CTNNA3: variants seen among roughly 807,000 people sequenced by gnomAD.
CTNNA3 encodes catenin alpha 3, also known as catenin alpha-3.
A neutral mutation model predicts 95.7 loss-of-function variants in CTNNA3; 76 were observed. The observed-to-expected ratio is 0.79, with a 90% CI of 0.66 to 0.96. The LOEUF (loss-of-function observed/expected upper bound fraction) is 0.96, where lower values mean the gene tolerates loss of function less well. CTNNA3 is among the 40% of genes least tolerant of loss of function. CTNNA3 has a pLI of 0.00. For synonymous variants in CTNNA3, 431 were observed against 374.4 expected (o/e 1.15, Z -1.74); for missense variants, 1,191 against 1,089.8 (o/e 1.09, Z -1.31).
chr10:66,071,109 G>A (rs182795132), intron 14 of CTNNA3, among the ~76,000 whole-genome samples: 1 of 152,202 alleles, frequency 6.6e-6, no homozygotes, highest in East Asian at 1.9e-4. Context: ...AGACTTAAGA[G>A]AATACTTGAT....
intron 12 of CTNNA3, among the ~76,000 whole-genome samples, chr10:66,334,274 T>C (rs1361553088): frequency 3.9e-5 from 6 of 152,028 alleles, no homozygotes; most frequent in East Asian, 1.9e-4. Flanking sequence ...GTCATTGTGA[T>C]GTTAGCTGGT....
intron 5 of CTNNA3, among the ~76,000 whole-genome samples, chr10:67,506,705 T>A (rs1839438448): frequency 6.6e-6 from 1 of 152,204 alleles, no homozygotes; most frequent in Non-Finnish European, 1.5e-5. Flanking sequence ...TCTTTTTGCC[T>A]GACAAGGACA....
chr10:67,550,809 G>A (rs961833929), intron 3 of CTNNA3, among the ~76,000 whole-genome samples: 4 of 151,938 alleles, frequency 2.6e-5, no homozygotes, highest in Non-Finnish European at 5.9e-5. Context: ...TATCCTCACT[G>A]CTGTGTTCAT....
chr10:66,740,459 T>G (rs1048722825), intron 9 of CTNNA3, among the ~76,000 whole-genome samples: 1 of 152,224 alleles, frequency 6.6e-6, no homozygotes, highest in African/African-American at 2.4e-5. Flanking sequence ...ATATTCAATT[T>G]TGTCAAATTA....
chr10:67,220,799 T>A (rs1405050175), intron 5 of CTNNA3, among the ~76,000 whole-genome samples: 5 of 152,088 alleles, frequency 3.3e-5, no homozygotes, highest in Admixed American at 1.3e-4. Flanking sequence ...CTTAACCAAG[T>A]GATGAAATTT....
At chr10:66,186,651 A>C (rs538934552) in intron 13 of CTNNA3, among the ~76,000 whole-genome samples, 6 of 152,264 alleles carry the variant, frequency 3.9e-5, no homozygotes, top group African/African-American at 1.4e-4. Flanking sequence ...TATTGTCAAG[A>C]CTGGTTTTAT....
intron 7 of CTNNA3, among the ~76,000 whole-genome samples, chr10:67,028,020 T>C (rs1240051111): frequency 1.3e-5 from 2 of 152,198 alleles, no homozygotes; most frequent in Admixed American, 6.5e-5. Context: ...ATTAACTGTA[T>C]TTCATATGTG....
At chr10:66,319,033 G>A (rs1034986792) in intron 12 of CTNNA3, among the ~76,000 whole-genome samples, 1 of 151,888 alleles carries the variant, frequency 6.6e-6, no homozygotes, top group Non-Finnish European at 1.5e-5. Context: ...TTAAGAAATC[G>A]AGTTATTAAA....
chr10:67,501,742 C>A (rs562727067), intron 5 of CTNNA3, among the ~76,000 whole-genome samples: 2 of 151,974 alleles, frequency 1.3e-5, no homozygotes, highest in African/African-American at 4.8e-5. Context: ...TCTTTTCTTC[C>A]GCTTGATCGA....
chr10:66,466,339 T>TACACACACACAC (rs143601111), intron 11 of CTNNA3, among the ~76,000 whole-genome samples: 5,270 of 141,732 alleles, frequency 0.037, 179 homozygotes, highest in East Asian at 0.18. Flanking sequence ...CACCCACCTA[T>TACACACACACAC]ACACACACAC....
chr10:66,903,507 A>G (rs1195668489), intron 7 of CTNNA3, among the ~76,000 whole-genome samples: 1 of 152,170 alleles, frequency 6.6e-6, no homozygotes, highest in Non-Finnish European at 1.5e-5. Flanking sequence ...TATTCAACAT[A>G]GTGTTGGAAG....
chr10:66,618,569 T>G (rs1183017029), intron 10 of CTNNA3, among the ~76,000 whole-genome samples: 1 of 152,124 alleles, frequency 6.6e-6, no homozygotes, highest in Non-Finnish European at 1.5e-5. Flanking sequence ...TCAAGAAGGA[T>G]TAAAGACTTA....
intron 3 of CTNNA3, among the ~76,000 whole-genome samples, chr10:67,553,067 G>T (rs1195000637): frequency 6.6e-6 from 1 of 151,992 alleles, no homozygotes; most frequent in Admixed American, 6.6e-5. Flanking sequence ...GGGGGCACTG[G>T]TGCACCTTTT....
At chr10:67,623,815 T>C (rs1300041888) in intron 2 of CTNNA3, among the ~76,000 whole-genome samples, 1 of 151,820 alleles carries the variant, frequency 6.6e-6, no homozygotes, top group Non-Finnish European at 1.5e-5. Context: ...CCTGGTATGT[T>C]TATTATTATT....
At chr10:66,276,393 C>T (rs535793073) in intron 13 of CTNNA3, among the ~76,000 whole-genome samples, 21 of 152,026 alleles carry the variant, frequency 1.4e-4, no homozygotes, top group Admixed American at 5.2e-4. Flanking sequence ...CTTATACTAC[C>T]CTCTCTCTCA....
intron 7 of CTNNA3, among the ~76,000 whole-genome samples, chr10:67,045,673 C>T (rs933712224): frequency 1.3e-5 from 2 of 152,160 alleles, no homozygotes; most frequent in East Asian, 1.9e-4. Flanking sequence ...CTAGTCCTGG[C>T]GCGGGATGGG....
At chr10:67,496,861 G>A (rs967858170) in intron 5 of CTNNA3, among the ~76,000 whole-genome samples, 2 of 151,936 alleles carry the variant, frequency 1.3e-5, no homozygotes, top group Admixed American at 6.6e-5. Flanking sequence ...AGAAGTTCTA[G>A]GTAATACACA....
chr10:65,951,924 G>C (rs918929691), intron 17 of CTNNA3, among the ~76,000 whole-genome samples: 1 of 151,660 alleles, frequency 6.6e-6, no homozygotes, highest in African/African-American at 2.4e-5. Flanking sequence ...CAGCTACTTA[G>C]GAGGCTGAGA....
chr10:67,483,475 G>A (rs1848319542), intron 5 of CTNNA3, among the ~76,000 whole-genome samples: 2 of 150,974 alleles, frequency 1.3e-5, no homozygotes, highest in African/African-American at 2.5e-5. Flanking sequence ...TAGGGACATG[G>A]ATGAAATTGG....
Sources: allele counts gnomAD v4.1 joint callset (sites outside exome capture counted in the v4.1 genomes callset), GRCh38; gene constraint gnomAD v4.1.1; transcripts MANE v1.5; gene names NCBI Gene and HGNC (gene_info 2026-07-23, HGNC 2026-07-21).